Variants in XRN1 observed in about 807,000 individuals in gnomAD.
XRN1 encodes strand-exchange protein 1 homolog.
Under a neutral mutation model 222.3 loss-of-function variants are expected in XRN1, and 67 were observed. The ratio of observed to expected loss-of-function variants is 0.30; its 90% CI spans 0.25 to 0.37. The LOEUF is 0.37. Ranked by LOEUF, XRN1 falls within the 10% of genes least tolerant of loss-of-function variation. The pLI, the probability that XRN1 is intolerant of heterozygous loss-of-function variation, is 1.00. For synonymous variants in XRN1, 643 were observed against 652.4 expected, an observed-to-expected ratio of 0.99 and a Z score of 0.22; for missense variants, 1,707 against 2,000.2, an observed-to-expected ratio of 0.85 and a Z score of 2.80.
intron 1 of XRN1, among the ~76,000 whole-genome samples, chr3:142,442,375 C>T (rs987719165): frequency 6.6e-5 from 10 of 152,182 alleles, no homozygotes; most frequent in African/African-American, 2.4e-4. Flanking sequence ...CAGGACCCTC[C>T]ATTAGAAATG....
chr3:142,399,002 C>A, intron 19 of XRN1, among the ~76,000 whole-genome samples: 1 of 151,272 alleles, frequency 6.6e-6, no homozygotes, highest in African/African-American at 2.4e-5. Flanking sequence ...AAACATGTAC[C>A]TGATCAGTAT....
chr3:142,395,131 A>T (rs947636638), intron 20 of XRN1, among the ~76,000 whole-genome samples: 3 of 152,220 alleles, frequency 2.0e-5, no homozygotes, highest in African/African-American at 7.2e-5. Context: ...TAACATTCTA[A>T]TGTGCAAAAA....
At chr3:142,412,734 TATA>T (rs1367062102) in intron 14 of XRN1, 71 bp from the exon 15 acceptor site, 66 of 1,213,822 alleles carry the variant, frequency 5.4e-5, no homozygotes, top group Non-Finnish European at 6.9e-5. Context: ...TTAATGTATT[TATA>T]ATATTTCCTC....
At chr3:142,427,000 G>C (rs2069284084) in intron 2 of XRN1, among the ~76,000 whole-genome samples, 159 bp from the exon 3 acceptor site, 1 of 152,100 alleles carries the variant, frequency 6.6e-6, no homozygotes, top group Non-Finnish European at 1.5e-5. Flanking sequence ...TGATAAAAAT[G>C]AGCCCCAGAC....
At chr3:142,398,389 T>C (rs1468917520) in intron 19 of XRN1, among the ~76,000 whole-genome samples, 1 of 151,108 alleles carries the variant, frequency 6.6e-6, no homozygotes, top group East Asian at 1.9e-4. Context: ...TTTTAAGAGA[T>C]GGGGTCTCAT....
rs1253188748 is a variant in XRN1 at position 142,332,994 on chromosome 3, C to A, written c.4035G>T (p.Glu1345Asp). The A allele has an allele frequency of 1.9e-6, 3 of 1,613,648 alleles. No homozygotes were observed. The highest frequency in any genetic ancestry group is 2.7e-5 in the African/African-American group (2 of 74,908). Residue 1345 changes from glutamate to aspartate, a missense_variant, in exon 35 of 41, where the codon GAG becomes GAT. By Grantham distance (45) the Glu-to-Asp change is conservative. Coordinates refer to ENST00000392981, the MANE Select transcript of XRN1 (RefSeq NM_001282857.2). ...SSHHGEPPSE[E>D]HLSPQSFAMK... ...TGGCAAATGACTGTGGTGACAAATGCTCTTCACTTGGAGGCTCCCCATGAT... is the reference window on the plus strand; with the variant it reads ...TGGCAAATGACTGTGGTGACAAATGATCTTCACTTGGAGGCTCCCCATGAT...
At chr3:142,384,366 T>C (rs917327314) in intron 21 of XRN1, among the ~76,000 whole-genome samples, 157 bp downstream of exon 21, 1 of 152,080 alleles carries the variant, frequency 6.6e-6, no homozygotes, top group South Asian at 2.1e-4. Flanking sequence ...TAATACTTCT[T>C]ACAAATAATA....
chr3:142,334,923 C>T (rs563182913), intron 34 of XRN1, among the ~76,000 whole-genome samples: 3 of 151,592 alleles, frequency 2.0e-5, no homozygotes, highest in Non-Finnish European at 4.4e-5. Context: ...GCGACCTTTG[C>T]CTCATGGGTT....
chr3:142,337,535 G>A (rs2065883889), intron 33 of XRN1, among the ~76,000 whole-genome samples: 2 of 152,112 alleles, frequency 1.3e-5, no homozygotes, highest in Admixed American at 1.3e-4. Flanking sequence ...ATAATTTTCT[G>A]CAATTTGGAA....
At chr3:142,385,869 C>CT (rs1559838198) in intron 20 of XRN1, among the ~76,000 whole-genome samples, 2 of 151,902 alleles carry the variant, frequency 1.3e-5, no homozygotes, top group African/African-American at 4.8e-5. Flanking sequence ...GCCCGTATTA[C>CT]TACTCAGTCC....
intron 40 of XRN1, among the ~76,000 whole-genome samples, chr3:142,312,091 A>G (rs1413571924): frequency 6.6e-6 from 1 of 152,132 alleles, no homozygotes; most frequent in Non-Finnish European, 1.5e-5. Flanking sequence ...GTTCGAGACC[A>G]TGGCAAAACC....
intron 29 of XRN1, among the ~76,000 whole-genome samples, chr3:142,361,431 T>C (rs2066627030): frequency 6.6e-6 from 1 of 152,238 alleles, no homozygotes; most frequent in Non-Finnish European, 1.5e-5. Context: ...GGCTGGGCCC[T>C]ATGCTATGAT....
intron 13 of XRN1, among the ~76,000 whole-genome samples, chr3:142,415,373 A>G (rs2068744384): frequency 6.6e-6 from 1 of 152,226 alleles, no homozygotes; most frequent in Non-Finnish European, 1.5e-5. Context: ...GCCATGTGGA[A>G]TAGAAAAAGG....
intron 26 of XRN1, 96 bp downstream of exon 26, chr3:142,371,143 A>AAG: frequency 9.5e-7 from 1 of 1,052,042 alleles, no homozygotes; most frequent in East Asian, 2.6e-5. Context: ...AAAAAAAAAA[A>AAG]AAAAGTAATA....
chr3:142,417,944 T>C (rs2068848715), intron 12 of XRN1: 1 of 152,246 alleles, frequency 6.6e-6, no homozygotes, highest in Non-Finnish European at 1.5e-5. Context: ...AGCATTTTTA[T>C]CATCTTATAG....
At chr3:142,430,676 A>C (rs1336127720) in intron 2 of XRN1, among the ~76,000 whole-genome samples, 1 of 152,192 alleles carries the variant, frequency 6.6e-6, no homozygotes, top group East Asian at 1.9e-4. Flanking sequence ...TTGGATGTGC[A>C]GATGGTCTTT....
chr3:142,444,619 A>G (rs1489598882), intron 1 of XRN1, among the ~76,000 whole-genome samples: 1 of 152,216 alleles, frequency 6.6e-6, no homozygotes, highest in Admixed American at 6.5e-5. Flanking sequence ...CAAAATAAAA[A>G]ATAAAAAAAA....
intron 37 of XRN1, among the ~76,000 whole-genome samples, chr3:142,321,770 A>G (rs1251945800): frequency 2.0e-5 from 3 of 151,856 alleles, no homozygotes; most frequent in Non-Finnish European, 4.4e-5. Context: ...TCCTTTTCAG[A>G]TTTTTCACTG....
intron 1 of XRN1, among the ~76,000 whole-genome samples, chr3:142,440,635 G>A (rs2108204807): frequency 6.6e-6 from 1 of 152,160 alleles, no homozygotes; most frequent in Non-Finnish European, 1.5e-5. Flanking sequence ...CCAAATTTAG[G>A]AGTACAGAAA....
Sources: gnomAD v4.1 joint callset for allele counts (sites outside exome capture counted in the v4.1 genomes callset) on GRCh38, gnomAD v4.1.1 for gene constraint, MANE v1.5 for transcripts, NCBI Gene and HGNC (gene_info 2026-07-23, HGNC 2026-07-21) for gene names.